The following EP300 variants were observed in gnomAD, a reference collection of about 807,000 sequenced individuals.
EP300 encodes EP300 lysine acetyltransferase.
In EP300, 31 loss-of-function variants were observed where a neutral mutation model predicts 264.0. The ratio of observed to expected loss-of-function variants is 0.12; its 90% CI spans 0.09 to 0.16. The LOEUF (loss-of-function observed/expected upper bound fraction) is 0.16, where lower values mean the gene tolerates loss of function less well. EP300 is among the 10% of genes least tolerant of loss of function. EP300 has a pLI of 1.00. For missense variants in EP300, 2,766 were observed against 3,052.9 expected (o/e 0.91, Z 2.21); for synonymous variants, 1,340 against 1,045.4 (o/e 1.28, Z -5.44).
chr22:41,120,647 G>T (rs2058847200), intron 2 of EP300, among the ~76,000 whole-genome samples: 1 of 152,184 alleles, frequency 6.6e-6, no homozygotes, highest in Non-Finnish European at 1.5e-5. Context: ...TTTATAGGAA[G>T]AAACTTGGAT....
chr22:41,128,680 T>G (rs893874398), intron 4 of EP300, among the ~76,000 whole-genome samples: 1 of 151,740 alleles, frequency 6.6e-6, no homozygotes, highest in African/African-American at 2.4e-5. Context: ...CCCGGCTAAT[T>G]TTTTGTATTT....
intron 29 of EP300, among the ~76,000 whole-genome samples, chr22:41,175,398 G>C (rs1161895871): frequency 6.6e-6 from 1 of 152,138 alleles, no homozygotes; most frequent in Non-Finnish European, 1.5e-5. Context: ...GGTGTTTATA[G>C]TTATATACTA....
At chr22:41,163,902 CTATCTCTAAAAAAATAGAAACT>C in intron 21 of EP300, 129 bp from the exon 22 acceptor site, 1 of 752,760 alleles carries the variant, frequency 1.3e-6, no homozygotes, top group South Asian at 1.5e-5. Flanking sequence ...AACAGAGACC[CTATCTCTAAAAAAATAGAAACT>C]TTATTAAAAC....
In EP300 at chr22:41,150,043, C is replaced by G. The variant is rs61757374; in HGVS notation, c.2662C>G (p.Pro888Ala). The G allele has an allele frequency of 1.2e-6, 2 of 1,614,018 alleles. No individual in the cohort carries two copies. The part of the protein sequence containing the change: ...LHPPPRQTPT[P>A]PTTQLPQQVQ... ...TCCCCCTCCAAGGCAGACACCTACA[C>G]CACCAACAACACAACTTCCCCAACA... The change falls in exon 14 of 31, where the codon CCA becomes GCA. Residue 888 changes from proline to alanine, a missense_variant. Transcript: ENST00000263253.
chr22:41,109,253 C>CAAAA (rs71328769), intron 1 of EP300, among the ~76,000 whole-genome samples: 9 of 116,358 alleles, frequency 7.7e-5, no homozygotes, highest in African/African-American at 1.4e-4. Flanking sequence ...GACCCTGTCT[C>CAAAA]AAAAAAAAAA....
intron 1 of EP300, among the ~76,000 whole-genome samples, chr22:41,110,840 G>GA (rs1184191560): frequency 5.3e-5 from 8 of 152,038 alleles, no homozygotes; most frequent in African/African-American, 1.9e-4. Context: ...CAGTACTGGG[G>GA]AATGATGTTT....
intron 25 of EP300, 27 bp downstream of exon 25, chr22:41,168,894 C>T (rs778656283): frequency 6.2e-7 from 1 of 1,614,088 alleles, no homozygotes. Context: ...GTGGCTAGCT[C>T]CGGATTTGTG....
In EP300 at chr22:41,137,858, G is replaced by A; in HGVS notation, c.1760+68G>A. ...ACGTCAACATGTTTTCAATCTCCTG[G>A]GCATTTAATTACTAAAGGAATATTA... On this transcript the variant is annotated intron_variant, in intron 8 of 30. Transcript: ENST00000263253. The A allele has an allele frequency of 1.9e-6, 3 of 1,607,118 alleles. No homozygotes were observed. The South Asian group carries it at 3.3e-5, about 18-fold the overall frequency.
chr22:41,126,040 G>A lies in EP300; in HGVS notation c.906G>A (p.Met302Ile), dbSNP rs1326543363. The A allele has an allele frequency of 1.2e-6, 2 of 1,613,866 alleles. No individual in the cohort carries two copies. The highest frequency in any genetic ancestry group is 1.7e-5 in the Admixed American group (1 of 60,010). The change falls in exon 3 of 31, where the codon ATG (methionine) becomes ATA (isoleucine). Residue 302 changes from methionine to isoleucine, a missense_variant and splice_region_variant. By Grantham distance (10) the Met-to-Ile change is conservative. Transcript: ENST00000263253. ...TTCCTGGTGGAGGAATGCCCAACAT[G>A]GTGAGTACTAATCCATTACAGACTT... ...KAVPGGGMPN[M>I]GQQPAPQVQQ...
intron 19 of EP300, chr22:41,160,005 T>G (rs1332860564): frequency 7.4e-6 from 1 of 134,736 alleles, no homozygotes; most frequent in African/African-American, 2.7e-5. Flanking sequence ...TTTCTGCAGT[T>G]GTATCTATAG....
chr22:41,169,048 G>T (rs141835255), intron 25 of EP300, 181 bp downstream of exon 25: 2 of 752,608 alleles, frequency 2.7e-6, no homozygotes, highest in Non-Finnish European at 4.5e-6. Flanking sequence ...CAAAATAACC[G>T]CTCAATACTG....
intron 16 of EP300, among the ~76,000 whole-genome samples, 187 bp from the exon 17 acceptor site, chr22:41,154,808 G>A (rs987219403): frequency 1.3e-5 from 2 of 152,178 alleles, no homozygotes; most frequent in African/African-American, 4.8e-5. Flanking sequence ...TTTAGGAGCT[G>A]TCTGAAACAA....
intron 22 of EP300, among the ~76,000 whole-genome samples, chr22:41,164,744 C>T (rs908504889): frequency 6.6e-6 from 1 of 152,004 alleles, no homozygotes; most frequent in Non-Finnish European, 1.5e-5. Context: ...TTTGTTCCGG[C>T]ATCTAGAAAC....
At chr22:41,136,070 G>T (rs572610198) in intron 7 of EP300, among the ~76,000 whole-genome samples, 164 bp downstream of exon 7, 1 of 152,328 alleles carries the variant, frequency 6.6e-6, no homozygotes, top group African/African-American at 2.4e-5. Flanking sequence ...GCCCAGGCTA[G>T]AGTGCAGTGG....
intron 2 of EP300, among the ~76,000 whole-genome samples, chr22:41,119,341 C>T (rs184102446): frequency 5.3e-5 from 8 of 151,738 alleles, no homozygotes; most frequent in Admixed American, 5.3e-4. Context: ...TTTTAGATTG[C>T]CGTGTCAGTG....
At chr22:41,168,673 A>G (rs2145763155) in intron 24 of EP300, 48 bp from the exon 25 acceptor site, 1 of 1,614,248 alleles carries the variant, frequency 6.2e-7, no homozygotes, top group Non-Finnish European at 8.5e-7. Context: ...TGGTGATTCC[A>G]GTCTGAATGA....
chr22:41,141,657 T>G (rs1213418771), intron 10 of EP300, among the ~76,000 whole-genome samples: 1 of 150,496 alleles, frequency 6.6e-6, no homozygotes, highest in Non-Finnish European at 1.5e-5. Context: ...ATTCTAAGTC[T>G]AGGAACTCTT....
chr22:41,130,807 C>CT (rs560195394), intron 5 of EP300, among the ~76,000 whole-genome samples: 2,434 of 143,488 alleles, frequency 0.017, 29 homozygotes, highest in Non-Finnish European at 0.022. Context: ...TATAGAAGAG[C>CT]TTTTTTTTTT....
chr22:41,111,175 AGGCTGGTCTT>A (rs1280456471), intron 1 of EP300, among the ~76,000 whole-genome samples: 2 of 151,958 alleles, frequency 1.3e-5, no homozygotes, highest in Admixed American at 6.6e-5. Flanking sequence ...CACGTTGGCC[AGGCTGGTCTT>A]GGCTGGTCTT....
Sources: allele counts gnomAD v4.1 joint callset (sites outside exome capture counted in the v4.1 genomes callset), GRCh38; gene constraint gnomAD v4.1.1; transcripts MANE v1.5; gene names NCBI Gene and HGNC (gene_info 2026-07-23, HGNC 2026-07-21).